PABPC1: variants seen among roughly 807,000 people sequenced by gnomAD.
PABPC1 encodes poly(A) binding protein cytoplasmic 1, also known as polyadenylate-binding protein 1.
PABPC1 carries 4 observed loss-of-function variants against 74.0 expected under a neutral mutation model. The observed-to-expected ratio is 0.05, with a 90% CI of 0.03 to 0.12. The LOEUF is 0.12. Ranked by LOEUF, PABPC1 falls within the 10% of genes least tolerant of loss-of-function variation. The pLI is 1.00. For synonymous variants in PABPC1, 227 were observed against 264.1 expected, an observed-to-expected ratio of 0.86 and a Z score of 1.36; for missense variants, 271 against 821.1, an observed-to-expected ratio of 0.33 and a Z score of 8.19.
At chr8:100,711,696 C>T (rs894487255) in intron 7 of PABPC1, among the ~76,000 whole-genome samples, 14 of 152,194 alleles carry the variant, frequency 9.2e-5, no homozygotes, top group African/African-American at 3.4e-4. Context: ...CTAACATTTC[C>T]TCACTCTCAC....
rs962208191 is a variant in PABPC1, at chr8:100,721,756, A to G, written c.-173T>C. 2.5e-5 allele frequency: 13 copies of G among 528,250 alleles called. No individual in the cohort carries two copies. The highest frequency in any genetic ancestry group is 2.0e-4 in the Admixed American group (5 of 25,482). The allele number at this position is 528,250 out of a possible 1,614,324, so 32.7% of individuals were successfully genotyped here. A position where few individuals can be genotyped will look rare whatever the true frequency, so the allele number is the denominator to read the frequency against. ...AACGGCCGCAGAACGGGGTCGATCCACTGCCGCTGGCTGCCGGCTGCCGGC... is the reference window on the plus strand; with the variant it reads ...AACGGCCGCAGAACGGGGTCGATCCGCTGCCGCTGGCTGCCGGCTGCCGGC... On this transcript the variant is annotated 5_prime_UTR_variant, in exon 1 of 15. Coordinates refer to ENST00000318607, the MANE Select transcript of PABPC1 (RefSeq NM_002568.4). The surrounding 1 kb of genome is among the most constrained non-coding windows in gnomAD (Gnocchi z 7.4).
chr8:100,720,425 TAA>T (rs1810787965), intron 1 of PABPC1, among the ~76,000 whole-genome samples: 2 of 152,196 alleles, frequency 1.3e-5, no homozygotes, highest in South Asian at 2.1e-4. Flanking sequence ...CTTTTAAAAA[TAA>T]AAGAGAAACT....
At position 100,718,071 on chromosome 8, in the gene PABPC1, G is replaced by A; in HGVS notation, c.387+16C>T. On this transcript the variant is annotated intron_variant, in intron 2 of 14. Transcript: ENST00000318607. ...CTCAACAATGTAAACATGTGTATCG[G>A]ACATTTTTGGCTTACCTTACATGAA... 1 of 1,581,732 alleles carries A rather than the reference G, an allele frequency of 6.3e-7. No individual in the cohort carries two copies.
At chr8:100,708,904 TAAAA>T (rs942657311) in intron 9 of PABPC1, among the ~76,000 whole-genome samples, 69 of 146,090 alleles carry the variant, frequency 4.7e-4, no homozygotes, top group African/African-American at 1.7e-3. Flanking sequence ...AATAAATAAA[TAAAA>T]AATGAAGAGC....
At chr8:100,718,062 T>C (rs766011404) in intron 2 of PABPC1, 25 bp downstream of exon 2, 4 of 1,585,856 alleles carry the variant, frequency 2.5e-6, no homozygotes, top group African/African-American at 2.7e-5. Flanking sequence ...AATGTAAACA[T>C]GTGTATCGGA....
At position 100,717,906 on chromosome 8, in the gene PABPC1, C is replaced by A. The variant is rs1204285912; in HGVS notation, c.388-18G>T. ...CAAACCACCTAGGGAAAAACATATA[C>A]CCATTTTTCTTTATTTGCTATTGAT... On this transcript the variant is annotated intron_variant, in intron 2 of 14. Coordinates refer to ENST00000318607, the MANE Select transcript of PABPC1 (RefSeq NM_002568.4). 5.5e-6 allele frequency: 8 copies of A among 1,454,146 alleles called. No homozygotes were observed. Among genetic ancestry groups the A allele is most frequent in the African/African-American group, 1.4e-5 (1 of 70,320 alleles). The allele number at this position is 1,454,146 out of a possible 1,614,324, so 90.1% of individuals were successfully genotyped here.
intron 3 of PABPC1, among the ~76,000 whole-genome samples, 193 bp downstream of exon 3, chr8:100,717,580 A>C (rs547658308): frequency 1.3e-5 from 2 of 152,360 alleles, no homozygotes; most frequent in African/African-American, 4.8e-5. Context: ...CAATTGTAAA[A>C]ATCAAGATTA....
At chr8:100,706,442 T>C (rs1480334168) in intron 11 of PABPC1, among the ~76,000 whole-genome samples, 1 of 151,952 alleles carries the variant, frequency 6.6e-6, no homozygotes, top group Admixed American at 6.6e-5. Flanking sequence ...TACAGGCTTA[T>C]GCCACCACAC....
intron 1 of PABPC1, 39 bp from the exon 2 acceptor site, chr8:100,718,319 A>T: frequency 1.3e-6 from 2 of 1,556,228 alleles, no homozygotes; most frequent in Non-Finnish European, 8.8e-7. Flanking sequence ...ATTACTTCAA[A>T]ATTTTTGCTG....
intron 3 of PABPC1, 84 bp downstream of exon 3, chr8:100,717,689 G>A: frequency 1.2e-6 from 1 of 833,594 alleles, no homozygotes; most frequent in Non-Finnish European, 1.9e-6. Context: ...ACTTCTCCCT[G>A]ACAAATATTA....
Position 100,712,792 on chromosome 8 carries a change from T to TC in PABPC1, c.739-4dup, listed in dbSNP as rs761732084. On this transcript the variant is annotated splice_polypyrimidine_tract_variant and splice_region_variant and intron_variant, in intron 5 of 14. Transcript: ENST00000318607. ...TTTCCGTTCATCTCATCCACAGCCT[T>TC]CCCCCCAAAAAAAAAGAAAAAAAAA... The TC allele has an allele frequency of 7.6e-4, 1,141 of 1,498,070 alleles. 4 individuals carry two copies. Among genetic ancestry groups the TC allele is most frequent in the Admixed American group, 2.4e-3 (93 of 38,636 alleles). The allele number at this position is 1,498,070 out of a possible 1,614,324, so 92.8% of individuals were successfully genotyped here. A position where few individuals can be genotyped will look rare whatever the true frequency, so the allele number is the denominator to read the frequency against.
At position 100,705,041 on chromosome 8, in the gene PABPC1, G is replaced by T; in HGVS notation, c.1703C>A (p.Pro568His). The T allele has an allele frequency of 6.2e-7, 1 of 1,613,378 alleles. No individual in the cohort carries two copies. The change falls in exon 13 of 15, where the codon CCT becomes CAT. Residue 568 changes from proline (P) to histidine (H), a missense_variant. Pro to His is a moderately conservative substitution (Grantham distance 77). Coordinates refer to ENST00000318607, the MANE Select transcript of PABPC1 (RefSeq NM_002568.4). ...AGTAGGGTGCATGGCTTGAATAAGA[G>T]GAAACAGCCGTTCACCTAGGAACAG... ...QKQMLGERLF[P>H]LIQAMHPTLA...
intron 14 of PABPC1, 107 bp from the exon 15 acceptor site, chr8:100,703,466 G>T (rs1810297818): frequency 6.6e-6 from 1 of 152,254 alleles, no homozygotes; most frequent in Admixed American, 6.6e-5. Flanking sequence ...TAGTTTTACT[G>T]GAACACAGCC....
intron 1 of PABPC1, among the ~76,000 whole-genome samples, 196 bp from the exon 2 acceptor site, chr8:100,718,476 A>T (rs1270849152): frequency 6.6e-6 from 1 of 152,268 alleles, no homozygotes. Flanking sequence ...AAGCAAAGAC[A>T]AATACCAGAA....
In PABPC1 at chr8:100,705,035, A is replaced by G. The variant is rs11558444; in HGVS notation, c.1709T>C (p.Ile570Thr). Reference protein sequence around the residue: ...QMLGERLFPLIQAMHPTLAGK... With the variant: ...QMLGERLFPLTQAMHPTLAGK... ...AGCAAGAGTAGGGTGCATGGCTTGA[A>G]TAAGAGGAAACAGCCGTTCACCTAG... The change falls in exon 13 of 15, where the codon ATT becomes ACT. Residue 570 changes from isoleucine to threonine, a missense_variant. Physicochemically the swap from Ile to Thr is moderately conservative, Grantham distance 89 (BLOSUM62 -1). This residue lies in a region of PABPC1 where 103 missense variants were observed against 245.3 expected (regional missense o/e 0.42). Transcript: ENST00000318607. The G allele has an allele frequency of 6.2e-7, 1 of 1,613,912 alleles. No individual in the cohort carries two copies. The highest frequency in any genetic ancestry group is 8.5e-7 in the Non-Finnish European group (1 of 1,179,940).
At position 100,712,349 on chromosome 8, in the gene PABPC1, T is replaced by C. The variant is rs1442025079; in HGVS notation, c.972+13A>G. The C allele has an allele frequency of 8.1e-6, 11 of 1,361,006 alleles. No homozygotes were observed. Among genetic ancestry groups the C allele is most frequent in the Non-Finnish European group, 9.2e-6 (9 of 977,976 alleles). The allele number at this position is 1,361,006 out of a possible 1,614,324, so 84.3% of individuals were successfully genotyped here. A position where few individuals can be genotyped will look rare whatever the true frequency, so the allele number is the denominator to read the frequency against. On this transcript the variant is annotated intron_variant, in intron 7 of 14. Coordinates refer to ENST00000318607, the MANE Select transcript of PABPC1 (RefSeq NM_002568.4). ...TACTAGACCTCAAATAAATGAACCA[T>C]ATGTTTTCTTACCTTTGCACTAGTG...
At position 100,721,532 on chromosome 8, in the gene PABPC1, G is replaced by C; in HGVS notation, c.52C>G (p.Leu18Val). Reference sequence around the variant, plus strand: ...ATCGCCTCGGTCACGTCGGGGTGGAGGTCCCCCACGTAGAGCGAGGCCATG... The same window carrying C: ...ATCGCCTCGGTCACGTCGGGGTGGACGTCCCCCACGTAGAGCGAGGCCATG... ...YPMASLYVGD[L>V]HPDVTEAMLY... The change falls in exon 1 of 15, where the codon CTC (leucine) becomes GTC (valine). Residue 18 changes from leucine to valine, a missense_variant. Transcript: ENST00000318607. This position sits in a 1 kb window ranked among gnomAD's most constrained non-coding sequence, Gnocchi z 7.4. 6.2e-7 allele frequency: 1 copy of C among 1,610,122 alleles called. No individual in the cohort carries two copies. The highest frequency in any genetic ancestry group is 8.5e-7 in the Non-Finnish European group (1 of 1,177,748).
rs369321286 is a variant in PABPC1, at chr8:100,709,820, G to A, written c.973-89C>T. On this transcript the variant is annotated intron_variant, in intron 7 of 14. Transcript: ENST00000318607. ...ACAATTTAGACAATTATAAATCACTGAATCAAATAACTAAACCCTGTTAAT... is the reference window on the plus strand; with the variant it reads ...ACAATTTAGACAATTATAAATCACTAAATCAAATAACTAAACCCTGTTAAT... 5 of 1,306,358 alleles carry A rather than the reference G, an allele frequency of 3.8e-6. No homozygotes were observed. In the South Asian group the frequency reaches 7.7e-5, roughly 20 times the overall value. The allele number at this position is 1,306,358 out of a possible 1,614,324, so 80.9% of individuals were successfully genotyped here. A position where few individuals can be genotyped will look rare whatever the true frequency, so the allele number is the denominator to read the frequency against.
intron 11 of PABPC1, 87 bp from the exon 12 acceptor site, chr8:100,705,760 G>A (rs1810362229): frequency 1.2e-6 from 1 of 847,432 alleles, no homozygotes; most frequent in Non-Finnish European, 2.0e-6. Flanking sequence ...TGCTGAAGTG[G>A]TAGACTTCCA....
Sources: allele counts gnomAD v4.1 joint callset (sites outside exome capture counted in the v4.1 genomes callset), GRCh38; gene constraint gnomAD v4.1.1; regional missense constraint gnomAD v4.1.1; non-coding constraint Gnocchi (gnomAD v3.1); transcripts MANE v1.5; gene names NCBI Gene and HGNC (gene_info 2026-07-23, HGNC 2026-07-21).